Variants in PDS5A observed in about 807,000 individuals in gnomAD.
PDS5A encodes the protein PDS5 cohesin associated factor A, also known as sister chromatid cohesion protein PDS5 homolog A.
A neutral mutation model predicts 167.1 loss-of-function variants in PDS5A; 42 were observed. The observed-to-expected ratio is 0.25, with a 90% CI of 0.20 to 0.33. The LOEUF is 0.33. Ranked by LOEUF, PDS5A falls within the 10% of genes least tolerant of loss-of-function variation. The pLI is 1.00. For missense variants in PDS5A, 1,033 were observed against 1,605.9 expected (o/e 0.64, Z 6.10); for synonymous variants, 553 against 554.6 (o/e 1.00, Z 0.04).
At chr4:39,952,365 T>C (rs572313816) in intron 2 of PDS5A, among the ~76,000 whole-genome samples, 85 of 152,308 alleles carry the variant, frequency 5.6e-4, no homozygotes, top group African/African-American at 1.9e-3. Flanking sequence ...TCAATTTTAT[T>C]TTCCTTTACA....
intron 8 of PDS5A, among the ~76,000 whole-genome samples, chr4:39,915,922 T>C (rs1291053739): frequency 2.6e-5 from 4 of 152,178 alleles, no homozygotes; most frequent in Admixed American, 6.6e-5. Context: ...CTCGCCCCTC[T>C]GCTATTTGTA....
intron 13 of PDS5A, 81 bp from the exon 14 acceptor site, chr4:39,900,588 G>T: frequency 1.2e-6 from 1 of 851,700 alleles, no homozygotes; most frequent in Non-Finnish European, 1.9e-6. Flanking sequence ...CTTGTTGCAT[G>T]CTGTATATAC....
intron 18 of PDS5A, among the ~76,000 whole-genome samples, chr4:39,879,252 CCTTT>C (rs1720739181): frequency 6.6e-6 from 1 of 152,140 alleles, no homozygotes; most frequent in South Asian, 2.1e-4. Flanking sequence ...CGTGACACTA[CCTTT>C]CTTACCCAGT....
intron 3 of PDS5A, among the ~76,000 whole-genome samples, chr4:39,927,533 T>C (rs1187970183): frequency 1.4e-5 from 2 of 144,848 alleles, no homozygotes; most frequent in African/African-American, 4.9e-5. Flanking sequence ...CCACAAACAC[T>C]TGAACAAAGG....
intron 26 of PDS5A, among the ~76,000 whole-genome samples, chr4:39,854,146 T>C (rs1718343337): frequency 6.6e-6 from 1 of 151,784 alleles, no homozygotes; most frequent in East Asian, 1.9e-4. Flanking sequence ...TTAAAAAAAA[T>C]ACAAAAATTA....
chr4:39,836,286 C>A (rs1716377460), intron 32 of PDS5A, among the ~76,000 whole-genome samples: 1 of 152,118 alleles, frequency 6.6e-6, no homozygotes, highest in African/African-American at 2.4e-5. Context: ...TTAATAGAAA[C>A]AGAAGTGAGT....
chr4:39,939,176 A>G (rs961992054), intron 2 of PDS5A, among the ~76,000 whole-genome samples: 1 of 152,052 alleles, frequency 6.6e-6, no homozygotes, highest in African/African-American at 2.4e-5. Flanking sequence ...TGGCTGAGCT[A>G]TAGTTGTACA....
At chr4:39,975,026 T>C (rs967846842) in intron 2 of PDS5A, among the ~76,000 whole-genome samples, 7 of 149,850 alleles carry the variant, frequency 4.7e-5, no homozygotes, top group African/African-American at 1.7e-4. Flanking sequence ...CAGAATTGCT[T>C]GAACCCGGGA....
chr4:39,835,606 C>A (rs148839902), intron 32 of PDS5A, among the ~76,000 whole-genome samples: 3 of 152,138 alleles, frequency 2.0e-5, no homozygotes, highest in African/African-American at 7.2e-5. Flanking sequence ...CACTGCAACC[C>A]CCGCCTCCCG....
intron 12 of PDS5A, among the ~76,000 whole-genome samples, 187 bp downstream of exon 12, chr4:39,903,853 C>T (rs1472162860): frequency 2.0e-5 from 3 of 151,854 alleles, no homozygotes; most frequent in African/African-American, 7.3e-5. Flanking sequence ...TGTTTAAACA[C>T]AGTACATAAA....
intron 30 of PDS5A, among the ~76,000 whole-genome samples, chr4:39,843,412 A>C (rs1223427857): frequency 1.3e-5 from 2 of 152,172 alleles, no homozygotes; most frequent in South Asian, 2.1e-4. Context: ...TAGTTTTCCT[A>C]AGGGTTGAAT....
chr4:39,921,276 A>G (rs1244746423), intron 6 of PDS5A, among the ~76,000 whole-genome samples: 3 of 152,226 alleles, frequency 2.0e-5, no homozygotes, highest in Non-Finnish European at 2.9e-5. Flanking sequence ...CTGTGTTCCA[A>G]TAAAATCTTA....
In PDS5A at chr4:39,849,596, G is replaced by T. The variant is rs747862865; in HGVS notation, c.3143C>A (p.Ala1048Asp). 6 of 1,606,506 alleles carry T rather than the reference G, an allele frequency of 3.7e-6. No individual in the cohort carries two copies. Among genetic ancestry groups the T allele is most frequent in the South Asian group, 1.1e-5 (1 of 90,936 alleles). ...LMTKNENNSH[A>D]FMKKMAENIK... ...GTTCTCTGCCATCTTCTTCATAAAGGCATGGCTATTGTTTTCATTCTTTGT... is the reference window on the plus strand; with the variant it reads ...GTTCTCTGCCATCTTCTTCATAAAGTCATGGCTATTGTTTTCATTCTTTGT... Residue 1048 changes from alanine to aspartate, a missense_variant, in exon 27 of 33, where the codon GCC becomes GAC. Around this residue, in one of 4 missense-constraint regions of PDS5A, gnomAD observed 367 missense variants for 686.7 expected, o/e 0.53. Coordinates refer to ENST00000303538, the MANE Select transcript of PDS5A (RefSeq NM_001100399.2).
At chr4:39,930,972 T>C (rs1236872222) in intron 2 of PDS5A, among the ~76,000 whole-genome samples, 3 of 152,110 alleles carry the variant, frequency 2.0e-5, no homozygotes, top group Non-Finnish European at 4.4e-5. Flanking sequence ...CTTGAGAAAT[T>C]AGATAAATCC....
chr4:39,831,250 G>A lies in PDS5A; in HGVS notation c.4011-5762C>T, dbSNP rs148214965. 4.4e-3 allele frequency among the ~76,000 whole-genome samples: 664 copies of A among 152,262 alleles called. 4 individuals are homozygous for A. The highest frequency in any genetic ancestry group is 0.015 in the African/African-American group (623 of 41,560). The stretch of plus-strand genomic sequence containing the variant: ...AGTAGCTGGGACTAGAGGCGCGTGC[G>A]CCACCATGCCCGGCTAAATTTTGTA... On this transcript the variant is annotated intron_variant, in intron 32 of 32. Transcript: ENST00000303538.
At chr4:39,880,739 G>T (rs1220352669) in intron 17 of PDS5A, among the ~76,000 whole-genome samples, 1 of 152,042 alleles carries the variant, frequency 6.6e-6, no homozygotes, top group African/African-American at 2.4e-5. Flanking sequence ...ATAATGCATG[G>T]TGATCAGATC....
chr4:39,875,932 G>GC (rs1720426240), intron 19 of PDS5A, among the ~76,000 whole-genome samples: 1 of 151,878 alleles, frequency 6.6e-6, no homozygotes, highest in African/African-American at 2.4e-5. Flanking sequence ...TTTTTCTAGA[G>GC]CAGTATAATC....
intron 31 of PDS5A, among the ~76,000 whole-genome samples, chr4:39,839,872 A>G (rs1022601541): frequency 1.5e-4 from 22 of 151,486 alleles, no homozygotes; most frequent in Admixed American, 6.6e-4. Flanking sequence ...AAGGTGGGCG[A>G]ATCACGAGGT....
intron 2 of PDS5A, among the ~76,000 whole-genome samples, chr4:39,964,408 A>G (rs886229057): frequency 6.6e-5 from 10 of 152,226 alleles, no homozygotes; most frequent in East Asian, 3.8e-4. Context: ...AAATTATATC[A>G]TAATAGCAAT....
Sources: gnomAD v4.1 joint callset for allele counts (sites outside exome capture counted in the v4.1 genomes callset) on GRCh38, gnomAD v4.1.1 for gene constraint, gnomAD v4.1.1 regional missense constraint, MANE v1.5 for transcripts, NCBI Gene and HGNC (gene_info 2026-07-23, HGNC 2026-07-21) for gene names.